Variants in TMTC2 observed in about 807,000 individuals in gnomAD.
TMTC2 encodes the protein transmembrane O-mannosyltransferase targeting cadherins 2.
Under a neutral mutation model 82.4 loss-of-function variants are expected in TMTC2, and 43 were observed. The observed-to-expected ratio is 0.52, with a 90% CI of 0.41 to 0.67. The LOEUF (loss-of-function observed/expected upper bound fraction) is 0.67, where lower values mean the gene tolerates loss of function less well. TMTC2 is among the 30% of genes least tolerant of loss of function. TMTC2 has a pLI of 0.00. For synonymous variants in TMTC2, 408 were observed against 381.9 expected, an observed-to-expected ratio of 1.07 and a Z score of -0.80; for missense variants, 919 against 1,012.4, an observed-to-expected ratio of 0.91 and a Z score of 1.25.
intron 8 of TMTC2, among the ~76,000 whole-genome samples, chr12:82,997,221 C>CTCTCTCTCTATATATA (rs1451262969): frequency 8.4e-6 from 1 of 118,548 alleles, no homozygotes; most frequent in African/African-American, 3.7e-5. Context: ...CTCTCTCTCT[C>CTCTCTCTCTATATATA]TATATATATA....
rs1191789195 is a variant in TMTC2 at position 82,886,767 on chromosome 12, A to G, written c.655-9051A>G. Among the ~76,000 whole-genome samples, 5 of 152,356 alleles carry G rather than the reference A, an allele frequency of 3.3e-5. No individual in the cohort carries two copies. The East Asian group carries it at 7.7e-4, about 23-fold the overall frequency. On this transcript the variant is annotated intron_variant, in intron 2 of 11. Transcript: ENST00000321196. ...ACCCATTTTTCTTTTAAAGGGAAAC[A>G]GAACAACTATGACAACTTGATTATG... is the stretch of plus-strand genomic sequence containing the variant.
chr12:82,844,397 C>G (rs956821937), intron 1 of TMTC2, among the ~76,000 whole-genome samples: 6 of 152,138 alleles, frequency 3.9e-5, no homozygotes, highest in African/African-American at 1.4e-4. Context: ...TAATCAAATC[C>G]CTAGGCACAA....
intron 2 of TMTC2, among the ~76,000 whole-genome samples, chr12:82,887,696 A>G (rs1873172247): frequency 6.6e-6 from 1 of 152,190 alleles, no homozygotes; most frequent in Non-Finnish European, 1.5e-5. Context: ...AGAAATATCT[A>G]TTTTTGTTTA....
intron 1 of TMTC2, among the ~76,000 whole-genome samples, chr12:82,767,221 C>T (rs896032255): frequency 8.5e-5 from 13 of 152,166 alleles, no homozygotes; most frequent in Admixed American, 3.9e-4. Flanking sequence ...ACTCCCCATA[C>T]TTTGTAGCTT....
chr12:82,756,849 T>C (rs1876357768), intron 1 of TMTC2, among the ~76,000 whole-genome samples: 1 of 152,128 alleles, frequency 6.6e-6, no homozygotes. Flanking sequence ...TATAGTAGGG[T>C]TCACCCAAAT....
intron 11 of TMTC2, among the ~76,000 whole-genome samples, chr12:83,114,535 C>T (rs1884695724): frequency 6.6e-6 from 1 of 152,148 alleles, no homozygotes; most frequent in African/African-American, 2.4e-5. Flanking sequence ...TTTAAATCTA[C>T]TATTTGATGT....
intron 1 of TMTC2, among the ~76,000 whole-genome samples, chr12:82,717,852 G>T (rs1017589963): frequency 1.3e-5 from 2 of 151,974 alleles, no homozygotes; most frequent in Admixed American, 6.6e-5. Context: ...AAATAAAGTC[G>T]CCAACAAAGT....
chr12:82,973,542 C>T (rs1036293617), intron 7 of TMTC2, among the ~76,000 whole-genome samples: 7 of 151,952 alleles, frequency 4.6e-5, no homozygotes, highest in Non-Finnish European at 7.4e-5. Flanking sequence ...AATTTTTTCT[C>T]CTAAAAGTTT....
At chr12:82,965,844 C>A in intron 6 of TMTC2, 100 bp downstream of exon 6, 1 of 1,270,164 alleles carries the variant, frequency 7.9e-7, no homozygotes, top group Non-Finnish European at 1.1e-6. Context: ...GTCCTTTGAA[C>A]AACTAATATG....
rs543942785 is a variant in TMTC2 at position 82,887,908 on chromosome 12, C to T, written c.655-7910C>T. On this transcript the variant is annotated intron_variant, in intron 2 of 11. Transcript: ENST00000321196. ...CAGCCTGACCAACATGGAGAAACTC[C>T]GTCTCTACTAAAAATACAAAATTAG... 1.6e-4 allele frequency among the ~76,000 whole-genome samples: 24 copies of T among 151,964 alleles called. No individual in the cohort carries two copies. The East Asian group carries it at 2.7e-3, about 17-fold the overall frequency.
chr12:83,001,499 G>A lies in TMTC2; in HGVS notation c.2070+15453G>A, dbSNP rs145718874. The stretch of plus-strand genomic sequence containing the variant: ...CTAAAAACAAAATTAGCTGGGCTTG[G>A]TGGCGCATGCTTGTAATCTCAGCTA... On this transcript the variant is annotated intron_variant, in intron 8 of 11. Coordinates refer to ENST00000321196, the MANE Select transcript of TMTC2 (RefSeq NM_152588.3). 2.3e-3 allele frequency among the ~76,000 whole-genome samples: 356 copies of A among 151,942 alleles called. 3 individuals carry two copies. Among genetic ancestry groups the A allele is most frequent in the African/African-American group, 8.2e-3 (340 of 41,424 alleles).
chr12:82,850,848 G>T (rs1870938679), intron 1 of TMTC2, among the ~76,000 whole-genome samples: 1 of 150,950 alleles, frequency 6.6e-6, no homozygotes, highest in Admixed American at 6.6e-5. Context: ...GGCAGATCAT[G>T]AGGTCAAGAG....
intron 1 of TMTC2, among the ~76,000 whole-genome samples, chr12:82,740,801 C>T (rs1875361756): frequency 6.6e-6 from 1 of 152,164 alleles, no homozygotes; most frequent in Non-Finnish European, 1.5e-5. Context: ...CCATGGAGAA[C>T]AGTTGCCTAC....
intron 1 of TMTC2, among the ~76,000 whole-genome samples, chr12:82,713,393 T>A (rs1873737667): frequency 6.6e-6 from 1 of 151,842 alleles, no homozygotes; most frequent in Non-Finnish European, 1.5e-5. Flanking sequence ...TGTCATTGTA[T>A]TAGTCTGTTT....
At chr12:82,978,381 T>C (rs548173732) in intron 7 of TMTC2, among the ~76,000 whole-genome samples, 1 of 151,872 alleles carries the variant, frequency 6.6e-6, no homozygotes, top group South Asian at 2.1e-4. Flanking sequence ...ACCTTTAAAA[T>C]CACTCATTTT....
At chr12:82,712,107 ATC>A (rs1205710919) in intron 1 of TMTC2, among the ~76,000 whole-genome samples, 1 of 151,600 alleles carries the variant, frequency 6.6e-6, no homozygotes, top group African/African-American at 2.4e-5. Context: ...TTCACCTTTC[ATC>A]TGTAGGTGAC....
At chr12:82,892,028 T>TG (rs1219022634) in intron 2 of TMTC2, among the ~76,000 whole-genome samples, 4 of 152,276 alleles carry the variant, frequency 2.6e-5, no homozygotes, top group African/African-American at 7.2e-5. Flanking sequence ...ATTGTACCAC[T>TG]GCACTCCAGC....
intron 2 of TMTC2, among the ~76,000 whole-genome samples, chr12:82,882,023 G>A (rs1202846455): frequency 2.5e-5 from 3 of 119,922 alleles, no homozygotes; most frequent in Non-Finnish European, 4.8e-5. Context: ...TTTTTGAGAC[G>A]GAGTCTCTCT....
intron 1 of TMTC2, among the ~76,000 whole-genome samples, chr12:82,689,098 G>A (rs1017750888): frequency 6.6e-6 from 1 of 152,342 alleles, no homozygotes; most frequent in Admixed American, 6.5e-5. Context: ...CTGAGAAATG[G>A]TCTGTAGGAG....
Sources: allele counts gnomAD v4.1 joint callset (sites outside exome capture counted in the v4.1 genomes callset), GRCh38; gene constraint gnomAD v4.1.1; transcripts MANE v1.5; gene names NCBI Gene and HGNC (gene_info 2026-07-23, HGNC 2026-07-21).